CUBN: variants seen among roughly 807,000 people sequenced by gnomAD.
CUBN encodes 460 kDa receptor.
A neutral mutation model predicts 405.3 loss-of-function variants in CUBN; 282 were observed. The observed-to-expected ratio is 0.70, with a 90% CI of 0.63 to 0.77. The LOEUF (loss-of-function observed/expected upper bound fraction) is 0.77, where lower values mean the gene tolerates loss of function less well. CUBN is among the 30% of genes least tolerant of loss of function. The probability of loss-of-function intolerance (pLI) is 0.00; values close to 1 mark genes in which losing one functional copy is unlikely to be tolerated. For synonymous variants in CUBN, 1,684 were observed against 1,617.0 expected (o/e 1.04, Z -0.99); for missense variants, 4,514 against 4,475.2 (o/e 1.01, Z -0.25).
At chr10:16,972,837 C>G (rs1000313965) in intron 31 of CUBN, among the ~76,000 whole-genome samples, 5 of 152,052 alleles carry the variant, frequency 3.3e-5, no homozygotes, top group African/African-American at 4.8e-5. Context: ...TGACAGTTCT[C>G]CACGTGTCCC....
chr10:17,129,537 A>G, intron 1 of CUBN, 107 bp downstream of exon 1: 1 of 1,433,898 alleles, frequency 7.0e-7, no homozygotes, highest in Non-Finnish European at 9.8e-7. Context: ...GCTTCTCAAC[A>G]TAATTTTCCT....
At chr10:16,912,629 G>A (rs188846357) in intron 48 of CUBN, among the ~76,000 whole-genome samples, 12 of 152,284 alleles carry the variant, frequency 7.9e-5, no homozygotes, top group East Asian at 7.7e-4. Context: ...GGAGCAGGCC[G>A]CCATCTGGGG....
At chr10:16,847,641 A>G (rs1839557312) in intron 60 of CUBN, among the ~76,000 whole-genome samples, 1 of 152,202 alleles carries the variant, frequency 6.6e-6, no homozygotes, top group Non-Finnish European at 1.5e-5. Context: ...ATGCTGGTAC[A>G]GGGCCTGGCA....
rs577885599 is a variant in CUBN at position 17,122,725 on chromosome 10, T to C, written c.593+70A>G. ...AATACAGATAGTTAATTTAGGATGC[T>C]CTTAACTATGGGATGTTTTAGGCCT... On this transcript the variant is annotated intron_variant, in intron 6 of 66. Transcript: ENST00000377833. The C allele has an allele frequency of 1.2e-5, 11 of 893,918 alleles. No homozygotes were observed. In the East Asian group the frequency reaches 1.2e-4, roughly 10 times the overall value. 55.4% of individuals were successfully genotyped at this position (893,918 alleles called of 1,614,324 possible).
intron 14 of CUBN, among the ~76,000 whole-genome samples, chr10:17,096,178 G>C (rs1836371787): frequency 6.6e-6 from 1 of 152,106 alleles, no homozygotes; most frequent in Admixed American, 6.6e-5. Flanking sequence ...AAACGTTTAT[G>C]TTCTCTGGAA....
intron 27 of CUBN, among the ~76,000 whole-genome samples, chr10:17,029,529 A>G (rs1366298909): frequency 6.6e-6 from 1 of 152,176 alleles, no homozygotes; most frequent in Non-Finnish European, 1.5e-5. Flanking sequence ...ACGGTGCTAG[A>G]CTCATATCTG....
intron 31 of CUBN, among the ~76,000 whole-genome samples, chr10:16,971,504 G>C (rs929792119): frequency 1.3e-5 from 2 of 152,050 alleles, no homozygotes; most frequent in African/African-American, 4.8e-5. Flanking sequence ...GGACAGTCTT[G>C]TTTTCTTTTA....
Position 17,071,924 on chromosome 10 carries a change from G to C in CUBN, c.2349C>G (p.Thr783=), listed in dbSNP as rs373735221. 1.8e-5 allele frequency: 29 copies of C among 1,613,094 alleles called. No homozygotes were observed. Among genetic ancestry groups the C allele is most frequent in the East Asian group, 4.5e-5 (2 of 44,824 alleles). The change falls in exon 18 of 67, where the codon ACC becomes ACG. Residue 783 remains threonine (T), a synonymous_variant. Coordinates refer to ENST00000377833, the MANE Select transcript of CUBN (RefSeq NM_001081.4). The part of the protein sequence containing the change: ...TLLGKVCGNG[T]ISHIKSITNS... ...TAGTAATGGATTTAATGTGAGAGAT[G>C]GTTCCGTTGCCACAGACTTTTCCAA... is the stretch of plus-strand genomic sequence containing the variant.
chr10:16,891,404 C>T (rs1201927744), intron 54 of CUBN, among the ~76,000 whole-genome samples: 3 of 151,986 alleles, frequency 2.0e-5, no homozygotes, highest in South Asian at 2.1e-4. Flanking sequence ...GAGCGAACCC[C>T]GATGGCAGGA....
intron 59 of CUBN, among the ~76,000 whole-genome samples, chr10:16,866,959 G>C (rs905921860): frequency 6.6e-6 from 1 of 152,140 alleles, no homozygotes; most frequent in African/African-American, 2.4e-5. Flanking sequence ...TGCACAAGGC[G>C]AATTGAACCT....
At chr10:17,024,567 G>A (rs763331200) in intron 27 of CUBN, among the ~76,000 whole-genome samples, 2 of 152,104 alleles carry the variant, frequency 1.3e-5, no homozygotes, top group East Asian at 3.9e-4. Flanking sequence ...GTGCAGTGGT[G>A]CAATAAGGTT....
chr10:16,892,804 A>G (rs1841073693), intron 54 of CUBN, among the ~76,000 whole-genome samples: 1 of 152,080 alleles, frequency 6.6e-6, no homozygotes, highest in South Asian at 2.1e-4. Flanking sequence ...CATATACTAT[A>G]TTTTTACAAA....
At chr10:16,964,499 G>C (rs1323023411) in intron 31 of CUBN, among the ~76,000 whole-genome samples, 1 of 152,074 alleles carries the variant, frequency 6.6e-6, no homozygotes, top group Non-Finnish European at 1.5e-5. Context: ...GTGTTTGTGA[G>C]GGAAATAAAC....
chr10:16,850,724 C>T (rs1344531492), intron 60 of CUBN, among the ~76,000 whole-genome samples: 13 of 152,284 alleles, frequency 8.5e-5, no homozygotes, highest in African/African-American at 2.6e-4. Flanking sequence ...CCTCCTGCCT[C>T]GGTGTCCCAA....
intron 6 of CUBN, among the ~76,000 whole-genome samples, chr10:17,119,749 C>T (rs1241606122): frequency 2.0e-5 from 3 of 152,104 alleles, no homozygotes; most frequent in African/African-American, 4.8e-5. Flanking sequence ...GGAGAAGTGG[C>T]GAAATGTAAT....
chr10:16,946,696 A>G (rs1399462422), intron 36 of CUBN, among the ~76,000 whole-genome samples: 1 of 151,924 alleles, frequency 6.6e-6, no homozygotes, highest in Non-Finnish European at 1.5e-5. Context: ...GGGTTTCGTC[A>G]TGTTGGCCGG....
chr10:17,111,766 A>AG (rs1335466879), intron 8 of CUBN, among the ~76,000 whole-genome samples: 2 of 152,190 alleles, frequency 1.3e-5, no homozygotes, highest in Non-Finnish European at 2.9e-5. Flanking sequence ...TGTACTAAAA[A>AG]TACAAAAATC....
At chr10:16,961,214 G>T (rs1205605946) in intron 31 of CUBN, among the ~76,000 whole-genome samples, 1 of 152,136 alleles carries the variant, frequency 6.6e-6, no homozygotes, top group East Asian at 1.9e-4. Context: ...TGGGACTACA[G>T]GTGTGCACCA....
At chr10:17,111,626 T>C (rs968692308) in intron 8 of CUBN, among the ~76,000 whole-genome samples, 12 of 152,178 alleles carry the variant, frequency 7.9e-5, no homozygotes, top group African/African-American at 2.9e-4. Flanking sequence ...TATACATTAA[T>C]TAAAATACTA....
Sources: gnomAD v4.1 joint callset for allele counts (sites outside exome capture counted in the v4.1 genomes callset) on GRCh38, gnomAD v4.1.1 for gene constraint, MANE v1.5 for transcripts, NCBI Gene and HGNC (gene_info 2026-07-23, HGNC 2026-07-21) for gene names.